Variants in SMARCC1 observed in about 807,000 individuals in gnomAD.
The protein encoded by SMARCC1 is SWI/SNF complex subunit SMARCC1.
Under a neutral mutation model 147.4 loss-of-function variants are expected in SMARCC1, and 43 were observed. The ratio of observed to expected loss-of-function variants is 0.29; its 90% CI spans 0.23 to 0.38. SMARCC1 has a LOEUF of 0.38. Among genes scored for constraint, SMARCC1 ranks in the 10% least tolerant of loss-of-function variants. The pLI is 1.00. For missense variants in SMARCC1, 1,119 were observed against 1,381.1 expected (o/e 0.81, Z 3.01); for synonymous variants, 495 against 484.4 (o/e 1.02, Z -0.29).
chr3:47,599,876 C>T (rs990691997), intron 26 of SMARCC1, among the ~76,000 whole-genome samples: 12 of 152,224 alleles, frequency 7.9e-5, no homozygotes, highest in African/African-American at 2.9e-4. Flanking sequence ...CAAACACCCA[C>T]AAAGTGATGT....
chr3:47,699,428 G>C (rs765509459), intron 11 of SMARCC1, among the ~76,000 whole-genome samples: 1 of 151,956 alleles, frequency 6.6e-6, no homozygotes, highest in Admixed American at 6.6e-5. Context: ...TTTAGCCTTC[G>C]ACCAGACAAC....
intron 5 of SMARCC1, among the ~76,000 whole-genome samples, chr3:47,731,929 C>T (rs2106824305): frequency 6.6e-6 from 1 of 152,322 alleles, no homozygotes; most frequent in South Asian, 2.1e-4. Flanking sequence ...TCACCAACTG[C>T]ATTAAGCCCC....
intron 10 of SMARCC1, 81 bp downstream of exon 10, chr3:47,706,328 T>A: frequency 7.5e-7 from 1 of 1,340,722 alleles, no homozygotes; most frequent in Non-Finnish European, 9.7e-7. Flanking sequence ...CACCTCAGCC[T>A]CCAAAAGTGC....
At chr3:47,628,573 G>A (rs955419124) in intron 24 of SMARCC1, among the ~76,000 whole-genome samples, 8 of 152,040 alleles carry the variant, frequency 5.3e-5, no homozygotes, top group Non-Finnish European at 4.4e-5. Context: ...TTTGTCTAAC[G>A]GGAATTACTT....
In SMARCC1 at chr3:47,590,701, G is replaced by T; in HGVS notation, c.3180C>A (p.Ile1060=). The change falls in exon 27 of 28, where the codon ATC becomes ATA. Residue 1060 remains isoleucine (I), a synonymous_variant. Transcript: ENST00000254480. ...PPGMPPMPGN[I]LGPRVPLTAP... ...CTGTCAGGGGTACCCGGGGTCCTAA[G>T]ATGTTTCCTGGCATTGGTGGCATGC... The T allele has an allele frequency of 1.9e-6, 3 of 1,568,738 alleles. No homozygotes were observed. The highest frequency in any genetic ancestry group is 2.6e-6 in the Non-Finnish European group (3 of 1,163,476).
intron 11 of SMARCC1, among the ~76,000 whole-genome samples, chr3:47,695,651 C>T (rs922566305): frequency 1.3e-5 from 2 of 150,258 alleles, no homozygotes; most frequent in Non-Finnish European, 2.9e-5. Flanking sequence ...CCTGTAATCC[C>T]AGCTACTAGG....
intron 24 of SMARCC1, among the ~76,000 whole-genome samples, chr3:47,632,800 T>C (rs920572310): frequency 6.6e-6 from 1 of 152,044 alleles, no homozygotes; most frequent in East Asian, 1.9e-4. Context: ...GAAATAAGGG[T>C]TGAGAACTAA....
chr3:47,628,924 T>G (rs1366431243), intron 24 of SMARCC1, among the ~76,000 whole-genome samples: 3 of 152,158 alleles, frequency 2.0e-5, no homozygotes, highest in African/African-American at 7.2e-5. Flanking sequence ...AAACTGGGCC[T>G]ACAACAAGTA....
intron 1 of SMARCC1, among the ~76,000 whole-genome samples, chr3:47,773,761 C>T (rs1468835291): frequency 6.6e-6 from 1 of 151,960 alleles, no homozygotes; most frequent in Non-Finnish European, 1.5e-5. Context: ...TCCCTAGCAG[C>T]TGGGACTACA....
intron 9 of SMARCC1, among the ~76,000 whole-genome samples, chr3:47,707,998 T>C (rs1414639855): frequency 6.6e-6 from 1 of 151,456 alleles, no homozygotes; most frequent in Non-Finnish European, 1.5e-5. Context: ...TTAAACACCT[T>C]ATGAGTATGT....
At position 47,686,183 on chromosome 3, in the gene SMARCC1, A is replaced by C. The variant is rs1160273929; in HGVS notation, c.1264-13T>G. 4.4e-6 allele frequency: 7 copies of C among 1,607,186 alleles called. No individual in the cohort carries two copies. The highest frequency in any genetic ancestry group is 6.0e-6 in the Non-Finnish European group (7 of 1,175,172). ...GATCTTCATCTTCCTATAGAAAAGA[A>C]GACAAAGTTCAAAGAAAGAAAGAAC... On this transcript the variant is annotated splice_polypyrimidine_tract_variant and intron_variant, in intron 13 of 27. Transcript: ENST00000254480.
intron 2 of SMARCC1, among the ~76,000 whole-genome samples, chr3:47,771,578 A>G (rs2034914737): frequency 6.6e-6 from 1 of 151,932 alleles, no homozygotes; most frequent in Non-Finnish European, 1.5e-5. Context: ...CATATCTACT[A>G]AAAATACAAA....
intron 11 of SMARCC1, among the ~76,000 whole-genome samples, chr3:47,696,695 G>A (rs2033856716): frequency 1.3e-5 from 2 of 151,424 alleles, no homozygotes; most frequent in African/African-American, 4.9e-5. Flanking sequence ...ATTTTTTTTT[G>A]TATTTTTAGT....
Position 47,781,826 on chromosome 3 carries a change from G to T in SMARCC1, c.-29C>A. The T allele has an allele frequency of 7.6e-7, 1 of 1,307,824 alleles. No individual in the cohort carries two copies. The highest frequency in any genetic ancestry group is 3.2e-5 in the East Asian group (1 of 31,370). 81.0% of individuals were successfully genotyped at this position (1,307,824 alleles called of 1,614,324 possible). On this transcript the variant is annotated 5_prime_UTR_variant, in exon 1 of 28. Transcript: ENST00000254480. ...CGCAGCCCGTCGTCCCCACAGCCTG[G>T]CCCACCCCGGCCCTCGCGGTGTTTC...
rs573497915 is a variant in SMARCC1, at chr3:47,653,049, C to T, written c.2320+8245G>A. Reference sequence around the variant, plus strand: ...TCGGCTCACTGCAAGCTCCGCTTCCCGGGTTCACGCCATTCTCCTGGCCTC... The same window carrying T: ...TCGGCTCACTGCAAGCTCCGCTTCCTGGGTTCACGCCATTCTCCTGGCCTC... On this transcript the variant is annotated intron_variant, in intron 21 of 27. Coordinates refer to ENST00000254480, the MANE Select transcript of SMARCC1 (RefSeq NM_003074.4). Among the ~76,000 whole-genome samples the T allele has an allele frequency of 9.9e-5, 15 of 151,706 alleles. No individual in the cohort carries two copies. In the East Asian group the frequency reaches 1.2e-3, roughly 12 times the overall value.
chr3:47,733,970 C>G (rs560330244), intron 5 of SMARCC1, among the ~76,000 whole-genome samples: 1 of 150,098 alleles, frequency 6.7e-6, no homozygotes, highest in African/African-American at 2.5e-5. Flanking sequence ...CATATATGTA[C>G]GTGTGTGTAT....
chr3:47,739,520 C>T (rs912017375), intron 3 of SMARCC1, among the ~76,000 whole-genome samples: 1 of 151,938 alleles, frequency 6.6e-6, no homozygotes, highest in African/African-American at 2.4e-5. Flanking sequence ...TTTGTAAAGC[C>T]AAAGGTCTCA....
intron 2 of SMARCC1, among the ~76,000 whole-genome samples, chr3:47,758,995 C>T (rs1308214352): frequency 2.1e-5 from 3 of 143,756 alleles, no homozygotes; most frequent in Non-Finnish European, 4.6e-5. Context: ...CCAGCCGGGG[C>T]AACAAGAGCG....
chr3:47,656,910 A>T (rs2106729253), intron 21 of SMARCC1, among the ~76,000 whole-genome samples: 1 of 152,232 alleles, frequency 6.6e-6, no homozygotes, highest in South Asian at 2.1e-4. Flanking sequence ...ACAGAGTCAG[A>T]CTCCATCTCA....
Sources: allele counts gnomAD v4.1 joint callset (sites outside exome capture counted in the v4.1 genomes callset), GRCh38; gene constraint gnomAD v4.1.1; transcripts MANE v1.5; gene names NCBI Gene and HGNC (gene_info 2026-07-23, HGNC 2026-07-21).